Variants in PCDH15 observed in about 807,000 individuals in gnomAD.
The protein encoded by PCDH15 is protocadherin-15.
In PCDH15, 129 loss-of-function variants were observed where a neutral mutation model predicts 178.5. The observed-to-expected ratio is 0.72, with a 90% CI of 0.63 to 0.84. The LOEUF (loss-of-function observed/expected upper bound fraction) is 0.84, where lower values mean the gene tolerates loss of function less well. PCDH15 is among the 40% of genes least tolerant of loss of function. The probability of loss-of-function intolerance (pLI) is 0.00; values close to 1 mark genes in which losing one functional copy is unlikely to be tolerated. For missense variants in PCDH15, 2,230 were observed against 2,099.9 expected, an observed-to-expected ratio of 1.06 and a Z score of -1.21; for synonymous variants, 800 against 732.0, an observed-to-expected ratio of 1.09 and a Z score of -1.50.
At chr10:54,974,046 C>A (rs1839003488) in intron 2 of PCDH15, among the ~76,000 whole-genome samples, 1 of 148,064 alleles carries the variant, frequency 6.8e-6, no homozygotes, top group Non-Finnish European at 1.5e-5. Flanking sequence ...TTCCTTCTCT[C>A]TCTCTCTCTC....
chr10:55,150,805 A>G (rs1318332690), intron 2 of PCDH15, among the ~76,000 whole-genome samples: 2 of 152,196 alleles, frequency 1.3e-5, no homozygotes, highest in African/African-American at 4.8e-5. Flanking sequence ...AAATACAAGC[A>G]GTGAGTGTAA....
At chr10:54,153,438 GT>G (rs769649075) in intron 13 of PCDH15, 145 bp from the exon 14 acceptor site, 1 of 822,352 alleles carries the variant, frequency 1.2e-6, no homozygotes, top group Non-Finnish European at 1.9e-6. Context: ...TTTGTTTTTT[GT>G]TTTTTTAACT....
At chr10:53,875,023 G>C (rs1237595146) in intron 26 of PCDH15, among the ~76,000 whole-genome samples, 1 of 151,826 alleles carries the variant, frequency 6.6e-6, no homozygotes, top group Non-Finnish European at 1.5e-5. Context: ...GTTTCACAGA[G>C]CTACGAAGAT....
chr10:54,079,224 G>T, intron 17 of PCDH15, 107 bp downstream of exon 17: 11 of 1,078,362 alleles, frequency 1.0e-5, no homozygotes, highest in Non-Finnish European at 1.6e-5. Context: ...ATTATAAGAA[G>T]TTGCTCCAGA....
At chr10:54,117,807 G>A (rs752256821) in intron 15 of PCDH15, among the ~76,000 whole-genome samples, 1 of 152,102 alleles carries the variant, frequency 6.6e-6, no homozygotes. Context: ...CCCAGGGTGG[G>A]TAGCTCCTAT....
chr10:54,176,219 G>T (rs969612406), intron 13 of PCDH15, among the ~76,000 whole-genome samples: 2 of 152,096 alleles, frequency 1.3e-5, no homozygotes, highest in African/African-American at 4.8e-5. Context: ...CTGACCACTC[G>T]TGGTTAGATC....
chr10:54,783,166 G>T (rs1202438080), intron 1 of PCDH15, among the ~76,000 whole-genome samples: 5 of 151,686 alleles, frequency 3.3e-5, no homozygotes, highest in African/African-American at 1.2e-4. Context: ...GCTTGAAAAA[G>T]AATAATAATA....
rs575808831 is a variant in PCDH15 at position 54,039,999 on chromosome 10, A to G, written c.2221-16802T>C. 1.1e-4 allele frequency among the ~76,000 whole-genome samples: 16 copies of G among 152,182 alleles called. No homozygotes were observed. In the South Asian group the frequency reaches 3.3e-3, roughly 32 times the overall value. The stretch of plus-strand genomic sequence containing the variant: ...CAGTGGGTGGGGGAAGAAAAGGACA[A>G]CATATATATCCATTGCACTCATTTA... On this transcript the variant is annotated intron_variant, in intron 18 of 37. Transcript: ENST00000644397.
chr10:55,533,760 G>C (rs556868018), intron 2 of PCDH15, among the ~76,000 whole-genome samples: 66 of 151,982 alleles, frequency 4.3e-4, no homozygotes, highest in African/African-American at 1.5e-3. Context: ...AAAAAAAAGA[G>C]CATGAATAGT....
At chr10:54,416,516 A>T (rs1187065595) in intron 3 of PCDH15, among the ~76,000 whole-genome samples, 1 of 152,174 alleles carries the variant, frequency 6.6e-6, no homozygotes, top group African/African-American at 2.4e-5. Flanking sequence ...TTCATTAGCC[A>T]GTCTATCACT....
At chr10:54,546,162 G>A (rs1383368439) in intron 2 of PCDH15, among the ~76,000 whole-genome samples, 2 of 152,158 alleles carry the variant, frequency 1.3e-5, no homozygotes, top group Non-Finnish European at 2.9e-5. Context: ...TGGCATCCAA[G>A]CTTAGTTTTC....
chr10:53,828,254 C>A (rs2076822019), intron 31 of PCDH15, among the ~76,000 whole-genome samples: 1 of 146,076 alleles, frequency 6.8e-6, no homozygotes, highest in African/African-American at 2.6e-5. Context: ...CCTAGGAATG[C>A]CTGTGATTCT....
At chr10:54,577,697 G>A (rs2090630432) in intron 2 of PCDH15, among the ~76,000 whole-genome samples, 1 of 152,008 alleles carries the variant, frequency 6.6e-6, no homozygotes, top group Middle Eastern at 3.2e-3. Flanking sequence ...ACAGGAGTCA[G>A]GAAACAGGTT....
intron 2 of PCDH15, among the ~76,000 whole-genome samples, chr10:55,353,048 A>G (rs1844981945): frequency 6.6e-6 from 1 of 152,170 alleles, no homozygotes; most frequent in Admixed American, 6.6e-5. Context: ...ATGCTTTAAA[A>G]GTAGAACTAA....
chr10:54,651,335 T>C (rs2094256630), intron 2 of PCDH15, among the ~76,000 whole-genome samples: 1 of 152,080 alleles, frequency 6.6e-6, no homozygotes, highest in Non-Finnish European at 1.5e-5. Flanking sequence ...CAAGAATATA[T>C]CACAAAGGGC....
intron 32 of PCDH15, chr10:53,822,603 A>G (rs972604916): frequency 6.2e-7 from 1 of 1,613,976 alleles, no homozygotes; most frequent in African/African-American, 1.3e-5. Context: ...TGAAGAATGT[A>G]AAACACAAGG....
At position 54,824,939 on chromosome 10, in the gene PCDH15, T is replaced by C. The variant is rs572060928; in HGVS notation, c.-29+72511A>G. Among the ~76,000 whole-genome samples the C allele has an allele frequency of 2.0e-3, 300 of 152,244 alleles. 1 individual carries two copies. The highest frequency in any genetic ancestry group is 6.9e-3 in the African/African-American group (285 of 41,538). On this transcript the variant is annotated intron_variant, in intron 3 of 5. Transcript: ENST00000458638. Reference sequence around the variant, plus strand: ...GCACAATGTGCAGGTTAGTTACATATGTATACATGTGGCATGTTGGTGTGC... The same window carrying C: ...GCACAATGTGCAGGTTAGTTACATACGTATACATGTGGCATGTTGGTGTGC...
At chr10:55,328,913 CATATATATATATATATATATAT>C (rs56104592) in intron 2 of PCDH15, among the ~76,000 whole-genome samples, 15 of 111,332 alleles carry the variant, frequency 1.3e-4, no homozygotes, top group African/African-American at 3.4e-4. Flanking sequence ...TTCACACAAA[CATATATATATATATATATATAT>C]ATATATATAT....
intron 1 of PCDH15, among the ~76,000 whole-genome samples, chr10:54,738,546 A>C (rs554889622): frequency 5.1e-4 from 78 of 152,044 alleles, no homozygotes; most frequent in Non-Finnish European, 8.2e-4. Context: ...GGAATACTTC[A>C]AAACTCATTC....
Sources: allele counts gnomAD v4.1 joint callset (sites outside exome capture counted in the v4.1 genomes callset), GRCh38; gene constraint gnomAD v4.1.1; transcripts MANE v1.5; gene names NCBI Gene and HGNC (gene_info 2026-07-23, HGNC 2026-07-21).